The following TARP variants were observed in gnomAD, a reference collection of about 807,000 sequenced individuals.
At chr7:38,261,248 T>C in the TARP span, among the ~76,000 whole-genome samples, 2 of 151,700 alleles carry the variant, frequency 1.3e-5, no homozygotes, top group Non-Finnish European at 2.9e-5. Context: ...TCTGACTCTA[T>C]TGTAGAAAAA....
the TARP span, among the ~76,000 whole-genome samples, chr7:38,261,135 A>G: frequency 6.6e-6 from 1 of 151,762 alleles, no homozygotes; most frequent in Non-Finnish European, 1.5e-5. Flanking sequence ...CCTAATCATT[A>G]AAAGAGCTGG....
At chr7:38,262,176 G>A in the TARP span, 1 of 1,611,464 alleles carries the variant, frequency 6.2e-7, no homozygotes, top group Non-Finnish European at 8.5e-7. Context: ...CTTACCATTT[G>A]CATCTTTTGA....
the TARP span, among the ~76,000 whole-genome samples, chr7:38,266,496 T>C: frequency 6.6e-6 from 1 of 152,060 alleles, no homozygotes; most frequent in African/African-American, 2.4e-5. Context: ...AGGAACATGT[T>C]TCACCATATT....
the TARP span, among the ~76,000 whole-genome samples, chr7:38,272,606 A>AT: frequency 2.7e-5 from 4 of 148,530 alleles, no homozygotes; most frequent in Non-Finnish European, 4.4e-5. Flanking sequence ...TCAAATTATA[A>AT]TTTTTTGTTT....
the TARP span, among the ~76,000 whole-genome samples, chr7:38,268,838 A>T: frequency 7.2e-4 from 106 of 147,022 alleles, no homozygotes; most frequent in Admixed American, 8.8e-4. Context: ...TCTGTAAATT[A>T]GATGGACTGA....
At chr7:38,261,717 C>A in the TARP span, among the ~76,000 whole-genome samples, 1 of 150,592 alleles carries the variant, frequency 6.6e-6, no homozygotes, top group Non-Finnish European at 1.5e-5. Flanking sequence ...ACTAAAAATA[C>A]AAAAATTAGC....
chr7:38,271,429 T>A, the TARP span, among the ~76,000 whole-genome samples: 1 of 151,528 alleles, frequency 6.6e-6, no homozygotes, highest in South Asian at 2.1e-4. Context: ...TTTGTGTAAC[T>A]TCTCATATTA....
the TARP span, among the ~76,000 whole-genome samples, chr7:38,266,262 ATATTTATCTTAT>A: frequency 2.6e-4 from 39 of 151,626 alleles, no homozygotes; most frequent in East Asian, 5.8e-4. Context: ...GCGATGCACC[ATATTTATCTTAT>A]TATTTATCTT....
At chr7:38,267,783 A>G in the TARP span, among the ~76,000 whole-genome samples, 5 of 151,392 alleles carry the variant, frequency 3.3e-5, no homozygotes, top group Non-Finnish European at 7.4e-5. Flanking sequence ...ATATAATTGT[A>G]GTCTCTAGTC....
At chr7:38,262,284 A>T in the TARP span, 2 of 1,253,684 alleles carry the variant, frequency 1.6e-6, no homozygotes, top group South Asian at 1.3e-5. Context: ...ATGAATATTT[A>T]TAAAACCTGT....
the TARP span, among the ~76,000 whole-genome samples, chr7:38,262,612 C>A: frequency 2.0e-5 from 3 of 151,578 alleles, no homozygotes; most frequent in Non-Finnish European, 2.9e-5. Context: ...ACACTGCTGA[C>A]ATGACATCAG....
chr7:38,266,534 T>C, the TARP span, among the ~76,000 whole-genome samples: 3 of 151,932 alleles, frequency 2.0e-5, no homozygotes, highest in African/African-American at 7.2e-5. Flanking sequence ...ACTCCTGCGC[T>C]CAAGTGATCT....
At chr7:38,264,205 A>G in the TARP span, among the ~76,000 whole-genome samples, 1 of 151,942 alleles carries the variant, frequency 6.6e-6, no homozygotes, top group African/African-American at 2.4e-5. Context: ...CAGAAAAACA[A>G]ACTTCCAAGA....
At chr7:38,269,331 CTT>C in the TARP span, among the ~76,000 whole-genome samples, 7 of 151,842 alleles carry the variant, frequency 4.6e-5, no homozygotes, top group African/African-American at 1.7e-4. Context: ...TCTATGTTCT[CTT>C]TTAGTATGAG....
At chr7:38,273,208 ATCTT>A in the TARP span, among the ~76,000 whole-genome samples, 1 of 148,900 alleles carries the variant, frequency 6.7e-6, no homozygotes, top group Non-Finnish European at 1.5e-5. Flanking sequence ...CAAATATTTC[ATCTT>A]TTGGTGACCA....
the TARP span, among the ~76,000 whole-genome samples, chr7:38,263,051 G>C: frequency 1.3e-5 from 2 of 151,532 alleles, no homozygotes; most frequent in Non-Finnish European, 2.9e-5. Context: ...AAAAAAAGCA[G>C]TCATTCTTTT....
the TARP span, among the ~76,000 whole-genome samples, chr7:38,265,932 A>C: frequency 2.0e-5 from 3 of 151,330 alleles, no homozygotes; most frequent in Admixed American, 6.6e-5. Context: ...CTGGACGAAA[A>C]CCTGGCCTTT....
At chr7:38,266,110 A>G in the TARP span, among the ~76,000 whole-genome samples, 1 of 151,626 alleles carries the variant, frequency 6.6e-6, no homozygotes, top group South Asian at 2.1e-4. Context: ...GAAAACCTTA[A>G]TGATCTCTCT....
the TARP span, among the ~76,000 whole-genome samples, chr7:38,268,870 C>A: frequency 6.6e-6 from 1 of 151,028 alleles, no homozygotes; most frequent in African/African-American, 2.4e-5. Context: ...CATAGTAGAT[C>A]CCATTGTCTC....
Sources: gnomAD v4.1 joint callset for allele counts (sites outside exome capture counted in the v4.1 genomes callset) on GRCh38, gnomAD v4.1.1 for gene constraint, MANE v1.5 for transcripts.